Variants in ZNF608 observed in about 807,000 individuals in gnomAD.
The protein encoded by ZNF608 is zinc finger protein 608.
In ZNF608, 12 loss-of-function variants were observed where a neutral mutation model predicts 109.0. The ratio of observed to expected loss-of-function variants is 0.11; its 90% CI spans 0.07 to 0.18. ZNF608 has a LOEUF of 0.18. ZNF608 is among the 10% of genes least tolerant of loss of function. The probability of loss-of-function intolerance (pLI) is 1.00; values close to 1 mark genes in which losing one functional copy is unlikely to be tolerated. For synonymous variants in ZNF608, 732 were observed against 717.4 expected (o/e 1.02, Z -0.33); for missense variants, 1,707 against 1,879.3 (o/e 0.91, Z 1.70).
At chr5:124,644,137 G>T in intron 6 of ZNF608, 107 bp downstream of exon 6, 2 of 1,055,618 alleles carry the variant, frequency 1.9e-6, no homozygotes, top group Admixed American at 2.9e-5. Flanking sequence ...TAAAAACAAG[G>T]AAAACAAATG....
chr5:124,700,902 A>T, intron 3 of ZNF608, 112 bp downstream of exon 3: 9 of 1,412,660 alleles, frequency 6.4e-6, no homozygotes, highest in Non-Finnish European at 8.6e-6. Context: ...GAAATAAAAA[A>T]CACTTTCCAT....
At chr5:124,668,866 C>T (rs1397595084) in intron 3 of ZNF608, among the ~76,000 whole-genome samples, 1 of 152,164 alleles carries the variant, frequency 6.6e-6, no homozygotes, top group Admixed American at 6.5e-5. Context: ...TAGGCAATAA[C>T]CAAAGTCCTT....
At chr5:124,735,953 T>C (rs1749121721) in intron 2 of ZNF608, among the ~76,000 whole-genome samples, 2 of 152,032 alleles carry the variant, frequency 1.3e-5, no homozygotes, top group African/African-American at 4.8e-5. Flanking sequence ...AGCTGCAGCC[T>C]CCACTTCTCA....
chr5:124,673,045 G>A (rs1031132948), intron 3 of ZNF608, among the ~76,000 whole-genome samples: 2 of 152,124 alleles, frequency 1.3e-5, no homozygotes, highest in African/African-American at 4.8e-5. Context: ...TAACCCGAAA[G>A]ACTGGGTACA....
At chr5:124,736,006 A>G (rs1749123731) in intron 2 of ZNF608, among the ~76,000 whole-genome samples, 1 of 152,040 alleles carries the variant, frequency 6.6e-6, no homozygotes, top group African/African-American at 2.4e-5. Flanking sequence ...AGAAAAGCTA[A>G]AAGGAAGTAG....
intron 3 of ZNF608, among the ~76,000 whole-genome samples, chr5:124,673,668 G>C (rs931024293): frequency 1.3e-5 from 2 of 151,802 alleles, no homozygotes; most frequent in African/African-American, 4.8e-5. Flanking sequence ...ACACAAACCA[G>C]ACAACAGCTC....
chr5:124,687,123 A>G (rs1378563694), intron 3 of ZNF608, among the ~76,000 whole-genome samples: 1 of 152,236 alleles, frequency 6.6e-6, no homozygotes. Context: ...TTATATTCAT[A>G]CACACGTAAA....
At chr5:124,639,985 A>G (rs1750164713) in intron 8 of ZNF608, among the ~76,000 whole-genome samples, 4 of 152,240 alleles carry the variant, frequency 2.6e-5, no homozygotes, top group Non-Finnish European at 5.9e-5. Flanking sequence ...ATATAGATAT[A>G]ATGTGTTAGA....
intron 3 of ZNF608, among the ~76,000 whole-genome samples, chr5:124,679,427 C>T (rs1752097085): frequency 6.1e-5 from 9 of 148,506 alleles, no homozygotes; most frequent in Admixed American, 5.4e-4. Flanking sequence ...TTTCCTCCCT[C>T]CCTCCCTCCT....
In ZNF608 at chr5:124,660,172, C is replaced by CTGTGTGTGTGTG. The variant is rs35200784; in HGVS notation, c.1163-10487_1163-10476dup. Among the ~76,000 whole-genome samples, 945 of 150,356 alleles carry CTGTGTGTGTGTG rather than the reference C, an allele frequency of 6.3e-3. 9 individuals carry two copies. Among genetic ancestry groups the CTGTGTGTGTGTG allele is most frequent in the African/African-American group, 0.022 (887 of 40,852 alleles). On this transcript the variant is annotated intron_variant, in intron 3 of 9. Transcript: ENST00000513986. ...AACAGAAGAACTGCCTCTCTTAACTCTGTGTGTGTGTGTGTGTGTGTGAGA... is the reference window on the plus strand; with the variant it reads ...AACAGAAGAACTGCCTCTCTTAACTCTGTGTGTGTGTGTGTGTGTGTGTGTGTGTGTGTGAGA...
At chr5:124,644,776 G>C in intron 5 of ZNF608, 115 bp from the exon 6 acceptor site, 1 of 888,116 alleles carries the variant, frequency 1.1e-6, no homozygotes, top group Non-Finnish European at 1.7e-6. Flanking sequence ...TTAATGCTAA[G>C]TTGACATTTA....
intron 2 of ZNF608, among the ~76,000 whole-genome samples, chr5:124,712,039 C>T (rs753837291): frequency 6.6e-6 from 1 of 152,000 alleles, no homozygotes; most frequent in South Asian, 2.1e-4. Flanking sequence ...CCCAGGTACT[C>T]GGGAGGCTGA....
chr5:124,656,441 T>C (rs1751010887), intron 3 of ZNF608, among the ~76,000 whole-genome samples: 1 of 152,162 alleles, frequency 6.6e-6, no homozygotes, highest in Admixed American at 6.5e-5. Flanking sequence ...CAGATGACAG[T>C]TGAGCATTCC....
At chr5:124,723,813 AT>A (rs1352405110) in intron 2 of ZNF608, among the ~76,000 whole-genome samples, 4 of 152,208 alleles carry the variant, frequency 2.6e-5, no homozygotes, top group African/African-American at 9.7e-5. Flanking sequence ...ACATAAAAAA[AT>A]TTGCAAAACA....
chr5:124,677,765 A>G (rs114502411), intron 3 of ZNF608, among the ~76,000 whole-genome samples: 1 of 152,304 alleles, frequency 6.6e-6, no homozygotes, highest in Non-Finnish European at 1.5e-5. Flanking sequence ...ACAGCTTATT[A>G]TGATCAATAG....
At chr5:124,666,818 A>C (rs182350295) in intron 3 of ZNF608, among the ~76,000 whole-genome samples, 1 of 151,926 alleles carries the variant, frequency 6.6e-6, no homozygotes, top group Non-Finnish European at 1.5e-5. Flanking sequence ...AAATTAGCCT[A>C]ATTTTATGTA....
rs184074952 is a variant in ZNF608, at chr5:124,708,024, T to C, written c.907-6755A>G. 19 of 152,350 alleles carry C rather than the reference T, an allele frequency of 1.2e-4. No individual in the cohort carries two copies. In the East Asian group the frequency reaches 1.9e-3, roughly 15 times the overall value. 9.4% of individuals were successfully genotyped at this position (152,350 alleles called of 1,614,324 possible). On this transcript the variant is annotated intron_variant, in intron 2 of 9. Coordinates refer to ENST00000513986, the MANE Select transcript of ZNF608 (RefSeq NM_020747.3). ...AAAGGGTCTAAGGTACCAGACTTTT[T>C]CCGCCTCCTTTAATTCTCACAACAT...
chr5:124,692,887 AG>A (rs1230565734), intron 3 of ZNF608, among the ~76,000 whole-genome samples: 5 of 152,256 alleles, frequency 3.3e-5, no homozygotes, highest in African/African-American at 1.2e-4. Context: ...CCTGGCACAA[AG>A]TAAGTACTCA....
intron 3 of ZNF608, among the ~76,000 whole-genome samples, chr5:124,677,746 T>A (rs768052697): frequency 3.3e-5 from 5 of 152,146 alleles, no homozygotes; most frequent in Non-Finnish European, 5.9e-5. Flanking sequence ...GCAACTTTAA[T>A]AAGACAGAAC....
Sources: gnomAD v4.1 joint callset for allele counts (sites outside exome capture counted in the v4.1 genomes callset) on GRCh38, gnomAD v4.1.1 for gene constraint, MANE v1.5 for transcripts, NCBI Gene and HGNC (gene_info 2026-07-23, HGNC 2026-07-21) for gene names.